NPHP1: variants seen among roughly 807,000 people sequenced by gnomAD.
NPHP1 encodes nephrocystin-1.
In NPHP1, 70 loss-of-function variants were observed where a neutral mutation model predicts 90.4. The observed-to-expected ratio is 0.77, with a 90% confidence interval of 0.64 to 0.95. NPHP1 has a LOEUF of 0.95. NPHP1 is among the 40% of genes least tolerant of loss of function. The probability of loss-of-function intolerance (pLI) is 0.00; values close to 1 mark genes in which losing one functional copy is unlikely to be tolerated. For synonymous variants in NPHP1, 256 were observed against 271.7 expected, an observed-to-expected ratio of 0.94 and a Z score of 0.57; for missense variants, 764 against 795.9, an observed-to-expected ratio of 0.96 and a Z score of 0.48.
intron 11 of NPHP1, among the ~76,000 whole-genome samples, chr2:110,157,484 T>C (rs546083402): frequency 6.0e-4 from 92 of 152,258 alleles, no homozygotes; most frequent in African/African-American, 2.2e-3. Context: ...ATTTTCTTCA[T>C]GCTGGGGGTT....
At chr2:110,175,348 T>C (rs770673635) in intron 4 of NPHP1, among the ~76,000 whole-genome samples, 3 of 152,210 alleles carry the variant, frequency 2.0e-5, no homozygotes, top group Non-Finnish European at 2.9e-5. Context: ...TGTGGGATCA[T>C]TGTCTGCTAG....
At chr2:110,165,531 C>T (rs1682669880) in intron 6 of NPHP1, among the ~76,000 whole-genome samples, 1 of 151,884 alleles carries the variant, frequency 6.6e-6, no homozygotes, top group Non-Finnish European at 1.5e-5. Flanking sequence ...AGAAAATAAT[C>T]TAGAGATGGG....
At chr2:110,146,529 A>C (rs1439910722) in intron 14 of NPHP1, among the ~76,000 whole-genome samples, 1 of 152,144 alleles carries the variant, frequency 6.6e-6, no homozygotes, top group African/African-American at 2.4e-5. Flanking sequence ...GGCTAGTGCA[A>C]ACATCTTTTA....
At chr2:110,148,366 G>A (rs2104498688) in intron 12 of NPHP1, among the ~76,000 whole-genome samples, 1 of 152,274 alleles carries the variant, frequency 6.6e-6, no homozygotes, top group Admixed American at 6.5e-5. Context: ...AAGCTGAGCA[G>A]ATGCCTGTGC....
At chr2:110,202,654 C>G (rs1685645718) in intron 1 of NPHP1, among the ~76,000 whole-genome samples, 1 of 152,060 alleles carries the variant, frequency 6.6e-6, no homozygotes, top group African/African-American at 2.4e-5. Context: ...CTCCTAATGT[C>G]CCACTAAATT....
chr2:110,138,422 A>G (rs1481114257), intron 16 of NPHP1, among the ~76,000 whole-genome samples: 1 of 152,188 alleles, frequency 6.6e-6, no homozygotes, highest in Non-Finnish European at 1.5e-5. Context: ...TAGCACAGTT[A>G]TCTTGATATA....
At chr2:110,124,163 G>T in intron 19 of NPHP1, 100 bp from the exon 20 acceptor site, 3 of 1,313,928 alleles carry the variant, frequency 2.3e-6, no homozygotes, top group Non-Finnish European at 3.3e-6. Context: ...AGGATGGAGG[G>T]TGCCATTAGT....
intron 19 of NPHP1, chr2:110,124,604 T>C (rs1484396717): frequency 5.1e-6 from 1 of 198,018 alleles, no homozygotes; most frequent in African/African-American, 2.3e-5. Flanking sequence ...TGGTGCAGCA[T>C]CAGCTGTACC....
chr2:110,145,151 A>G (rs1482330217), intron 14 of NPHP1, among the ~76,000 whole-genome samples: 1 of 152,202 alleles, frequency 6.6e-6, no homozygotes, highest in Non-Finnish European at 1.5e-5. Flanking sequence ...ACATGCTTCA[A>G]AACTAACACT....
At chr2:110,171,294 T>C (rs1181065054) in intron 4 of NPHP1, among the ~76,000 whole-genome samples, 2 of 152,196 alleles carry the variant, frequency 1.3e-5, no homozygotes, top group Non-Finnish European at 2.9e-5. Flanking sequence ...AGACACTATG[T>C]GCTTGGGCTA....
chr2:110,159,670 T>C (rs1682160912), intron 11 of NPHP1, among the ~76,000 whole-genome samples: 1 of 152,046 alleles, frequency 6.6e-6, no homozygotes, highest in African/African-American at 2.4e-5. Context: ...CTTTTACTTT[T>C]TAAAAAAGTC....
chr2:110,191,603 G>A (rs1206979082), intron 2 of NPHP1, among the ~76,000 whole-genome samples: 1 of 152,168 alleles, frequency 6.6e-6, no homozygotes, highest in African/African-American at 2.4e-5. Context: ...CAAACAAAAG[G>A]CAGCAGAAAC....
At chr2:110,201,557 C>A in intron 1 of NPHP1, 63 bp from the exon 2 acceptor site, 1 of 1,137,088 alleles carries the variant, frequency 8.8e-7, no homozygotes, top group Non-Finnish European at 1.3e-6. Context: ...AAGAAAACTT[C>A]TTTTTTTATC....
intron 4 of NPHP1, among the ~76,000 whole-genome samples, chr2:110,171,627 C>T (rs562247172): frequency 6.6e-6 from 1 of 152,166 alleles, no homozygotes; most frequent in South Asian, 2.1e-4. Flanking sequence ...ATATTTTGCA[C>T]ATATTTTATA....
Position 110,182,160 on chromosome 2 carries a change from T to C in NPHP1, c.144-2476A>G, listed in dbSNP as rs117733001. 3.7e-4 allele frequency among the ~76,000 whole-genome samples: 56 copies of C among 152,150 alleles called. 1 individual carries two copies. The highest frequency in any genetic ancestry group is 1.2e-3 in the African/African-American group (48 of 41,510). ...GTATACAGACCAAACCCGTGACTTA[T>C]TGGGGTACCTAAAAAAGACAGGAAA... On this transcript the variant is annotated intron_variant, in intron 2 of 19. Transcript: ENST00000445609.
At chr2:110,130,777 G>C (rs1679719455) in intron 17 of NPHP1, among the ~76,000 whole-genome samples, 1 of 152,032 alleles carries the variant, frequency 6.6e-6, no homozygotes, top group South Asian at 2.1e-4. Context: ...TTCCCTCATA[G>C]GTCTAATTCC....
At chr2:110,124,407 A>G (rs562609797) in intron 19 of NPHP1, 124 of 349,898 alleles carry the variant, frequency 3.5e-4, no homozygotes, top group African/African-American at 2.5e-3. Flanking sequence ...ATATAACTAA[A>G]ACAATGCCAA....
In NPHP1 at chr2:110,125,657, T is replaced by C; in HGVS notation, c.1741A>G (p.Thr581Ala). The C allele has an allele frequency of 6.2e-7, 1 of 1,613,496 alleles. No individual in the cohort carries two copies. Among genetic ancestry groups the C allele is most frequent in the Non-Finnish European group, 8.5e-7 (1 of 1,179,552 alleles). ...TTTACCTTCTCTGATCTTTTTAATG[T>C]GCTTTCTTTTCCAGCCCACGAACTC... The part of the protein sequence containing the change: ...LRSSWAGKES[T>A]LKRSEKRDKE... The change falls in exon 19 of 20, where the codon ACA becomes GCA. Residue 581 changes from threonine to alanine, a missense_variant. By Grantham distance (58) the Thr-to-Ala change is moderately conservative. Transcript: ENST00000445609.
intron 16 of NPHP1, among the ~76,000 whole-genome samples, chr2:110,132,392 C>T (rs1009763887): frequency 1.3e-5 from 2 of 152,170 alleles, no homozygotes; most frequent in Admixed American, 6.5e-5. Context: ...TGGTGGCTCA[C>T]ACCTGTAATC....
Sources: gnomAD v4.1 joint callset for allele counts (sites outside exome capture counted in the v4.1 genomes callset) on GRCh38, gnomAD v4.1.1 for gene constraint, MANE v1.5 for transcripts, NCBI Gene and HGNC (gene_info 2026-07-23, HGNC 2026-07-21) for gene names.